Variants in INPP5F observed in about 807,000 individuals in gnomAD.
INPP5F encodes inositol polyphosphate-5-phosphatase F, also known as phosphatidylinositide 4-phosphatase SAC2.
Under a neutral mutation model 137.2 loss-of-function variants are expected in INPP5F, and 97 were observed. The observed-to-expected ratio is 0.71, with a 90% CI of 0.60 to 0.84. INPP5F has a LOEUF of 0.84. Ranked by LOEUF, INPP5F falls within the 40% of genes least tolerant of loss-of-function variation. The pLI, the probability that INPP5F is intolerant of heterozygous loss-of-function variation, is 0.00. For synonymous variants in INPP5F, 504 were observed against 476.9 expected, an observed-to-expected ratio of 1.06 and a Z score of -0.74; for missense variants, 1,271 against 1,371.9, an observed-to-expected ratio of 0.93 and a Z score of 1.16.
At chr10:119,746,199 C>T (rs114114768) in intron 1 of INPP5F, among the ~76,000 whole-genome samples, 2,644 of 152,316 alleles carry the variant, frequency 0.017, 61 homozygotes, top group African/African-American at 0.06. Context: ...AATGATGGGA[C>T]ACATACCAGA....
intron 2 of INPP5F, among the ~76,000 whole-genome samples, chr10:119,753,450 A>C (rs900096148): frequency 3.9e-5 from 6 of 152,220 alleles, no homozygotes; most frequent in Non-Finnish European, 8.8e-5. Context: ...GGGTTGACAG[A>C]GCAGCTCTGC....
chr10:119,781,035 T>C (rs1391902014), intron 2 of INPP5F, among the ~76,000 whole-genome samples: 2 of 152,230 alleles, frequency 1.3e-5, no homozygotes, highest in Admixed American at 6.5e-5. Context: ...TATTAATTCA[T>C]AGAATACTTT....
intron 1 of INPP5F, among the ~76,000 whole-genome samples, chr10:119,733,275 T>C (rs537615260): frequency 3.2e-4 from 48 of 152,338 alleles, no homozygotes; most frequent in Middle Eastern, 3.4e-3. Context: ...GCATTGACTT[T>C]CTTGCAAAAT....
chr10:119,726,212 G>T lies in INPP5F; in HGVS notation c.-51G>T. 8.1e-7 allele frequency: 1 copy of T among 1,230,004 alleles called. No individual in the cohort carries two copies. The highest frequency in any genetic ancestry group is 1.7e-5 in the South Asian group (1 of 57,838). The allele number at this position is 1,230,004 out of a possible 1,614,324, so 76.2% of individuals were successfully genotyped here. On this transcript the variant is annotated 5_prime_UTR_variant, in exon 1 of 20. Transcript: ENST00000650623. ...TCTGGCGGCCTCGACCGACTAGGAC[G>T]CCCCGTGCGCCGCCCGCGGGCCGCC...
intron 16 of INPP5F, 47 bp downstream of exon 16, chr10:119,820,964 T>G (rs771823095): frequency 1.2e-5 from 14 of 1,200,584 alleles, no homozygotes; most frequent in Non-Finnish European, 1.7e-5. Flanking sequence ...TTTTTAAACT[T>G]GAGTAAATTT....
rs549101724 is a variant in INPP5F at position 119,739,583 on chromosome 10, TTAAA to T, written c.98-11488_98-11485del. Among the ~76,000 whole-genome samples, 23 of 152,356 alleles carry T rather than the reference TTAAA, an allele frequency of 1.5e-4. No homozygotes were observed. In the South Asian group the frequency reaches 3.9e-3, roughly 26 times the overall value. ...TGGTAAACTGTAAATAGCCATAGAA[TTAAA>T]TAAACTGATGGAGGGATTCAGACTT... is the stretch of plus-strand genomic sequence containing the variant. On this transcript the variant is annotated intron_variant, in intron 1 of 19. Coordinates refer to ENST00000650623, the MANE Select transcript of INPP5F (RefSeq NM_014937.4).
At chr10:119,780,454 G>A (rs1191265380) in intron 2 of INPP5F, among the ~76,000 whole-genome samples, 1 of 152,132 alleles carries the variant, frequency 6.6e-6, no homozygotes, top group Non-Finnish European at 1.5e-5. Context: ...GTGTATGCCT[G>A]TGTTCCCAGC....
rs1369542742 is a variant in INPP5F, at chr10:119,826,917, G to C, written c.2536G>C (p.Glu846Gln). ...AGGAGTGATGGATAAGGTTCAGGCA[G>C]AGTCTGATGGGGACATGTCTTCAGA... is the stretch of plus-strand genomic sequence containing the variant. ...NTGVMDKVQAESDGDMSSDND... is the reference protein window; with the variant it reads ...NTGVMDKVQAQSDGDMSSDND... The change falls in exon 20 of 20, where the codon GAG becomes CAG. Residue 846 changes from glutamate (E) to glutamine (Q), a missense_variant. Glu to Gln is a conservative substitution (Grantham distance 29). Transcript: ENST00000650623. 2.5e-6 allele frequency: 4 copies of C among 1,613,946 alleles called. No homozygotes were observed. Among genetic ancestry groups the C allele is most frequent in the Non-Finnish European group, 3.4e-6 (4 of 1,179,914 alleles).
At chr10:119,746,312 CTG>C (rs1179869551) in intron 1 of INPP5F, among the ~76,000 whole-genome samples, 1 of 152,176 alleles carries the variant, frequency 6.6e-6, no homozygotes, top group Non-Finnish European at 1.5e-5. Context: ...TGCTTTAACT[CTG>C]TTTTTTCCTT....
At chr10:119,815,866 A>G (rs1851248868) in intron 15 of INPP5F, 1 of 152,624 alleles carries the variant, frequency 6.6e-6, no homozygotes, top group Non-Finnish European at 1.5e-5. Flanking sequence ...ACCACGCCAG[A>G]CTGATTGCAT....
intron 2 of INPP5F, among the ~76,000 whole-genome samples, chr10:119,755,164 G>A (rs540161994): frequency 1.3e-5 from 2 of 152,216 alleles, no homozygotes; most frequent in African/African-American, 2.4e-5. Flanking sequence ...GCAAGTGCTC[G>A]TGACTTAGGA....
At chr10:119,780,102 G>A (rs879724071) in intron 2 of INPP5F, among the ~76,000 whole-genome samples, 8 of 152,114 alleles carry the variant, frequency 5.3e-5, no homozygotes, top group Non-Finnish European at 7.3e-5. Context: ...ATGTCACTAC[G>A]TGATAGGAAT....
intron 1 of INPP5F, among the ~76,000 whole-genome samples, chr10:119,729,362 G>A (rs1847983770): frequency 6.6e-6 from 1 of 152,072 alleles, no homozygotes; most frequent in Admixed American, 6.6e-5. Flanking sequence ...GGCCAGGCTG[G>A]TCTCAAACCC....
intron 1 of INPP5F, among the ~76,000 whole-genome samples, chr10:119,726,667 A>T (rs1847902810): frequency 6.6e-6 from 1 of 152,176 alleles, no homozygotes. Context: ...CCCCTCCGGC[A>T]GAAAGTTCCA....
At chr10:119,814,257 C>G (rs556412933) in intron 15 of INPP5F, among the ~76,000 whole-genome samples, 1 of 151,972 alleles carries the variant, frequency 6.6e-6, no homozygotes, top group South Asian at 2.1e-4. Flanking sequence ...CATGGTGGTG[C>G]GTGCCTGTAG....
chr10:119,738,569 C>A (rs1489418860), intron 1 of INPP5F, among the ~76,000 whole-genome samples: 1 of 152,094 alleles, frequency 6.6e-6, no homozygotes, highest in Admixed American at 6.6e-5. Flanking sequence ...ATAATACTGT[C>A]TACACATGTC....
intron 6 of INPP5F, among the ~76,000 whole-genome samples, chr10:119,794,457 C>G (rs1850255238): frequency 6.6e-6 from 1 of 152,054 alleles, no homozygotes; most frequent in African/African-American, 2.4e-5. Flanking sequence ...ATTTCTCAAT[C>G]TTTTCCCCAC....
intron 2 of INPP5F, among the ~76,000 whole-genome samples, chr10:119,756,518 C>T (rs906676781): frequency 2.6e-5 from 4 of 151,900 alleles, no homozygotes; most frequent in African/African-American, 9.7e-5. Flanking sequence ...CACCTGTAAT[C>T]CCACCTACCC....
intron 15 of INPP5F, among the ~76,000 whole-genome samples, chr10:119,817,511 T>C (rs892612264): frequency 1.3e-5 from 2 of 152,234 alleles, no homozygotes; most frequent in Non-Finnish European, 2.9e-5. Context: ...CTTATTTTCC[T>C]TTTTTTCTAA....
Sources: allele counts gnomAD v4.1 joint callset (sites outside exome capture counted in the v4.1 genomes callset), GRCh38; gene constraint gnomAD v4.1.1; transcripts MANE v1.5; gene names NCBI Gene and HGNC (gene_info 2026-07-23, HGNC 2026-07-21).